The following ITFG2 variants were observed in gnomAD, a reference collection of about 807,000 sequenced individuals.
The protein encoded by ITFG2 is integrin alpha FG-GAP repeat containing 2.
A neutral mutation model predicts 54.4 loss-of-function variants in ITFG2; 36 were observed. That is an observed-to-expected ratio of 0.66 (90% CI 0.51 to 0.87). ITFG2 has a LOEUF of 0.87. ITFG2 is among the 40% of genes least tolerant of loss of function. ITFG2 has a pLI of 0.00. For synonymous variants in ITFG2, 211 were observed against 225.4 expected (o/e 0.94, Z 0.57); for missense variants, 524 against 576.7 (o/e 0.91, Z 0.94).
upstream of ITFG2, among the ~76,000 whole-genome samples, chr12:2,833,959 T>C (rs1396535155): frequency 6.6e-5 from 10 of 152,206 alleles, no homozygotes; most frequent in African/African-American, 9.6e-5. Flanking sequence ...TTGTCAGCAT[T>C]GCCTCTCAGA....
rs751390132 is a variant in ITFG2 at position 2,845,690 on chromosome 12, T to G, written n.300+4695T>G. ...TTCACCCCTGCCTCCCTCTCAGAGC[T>G]GCACTCCAGCTGTGGTGAAAGAGTG... is the stretch of plus-strand genomic sequence containing the variant. On this transcript the variant is annotated intron_variant and non_coding_transcript_variant, in intron 2 of 3. Transcript: ENST00000537710. The surrounding 1 kb of genome is among the most constrained non-coding windows in gnomAD (Gnocchi z 4.2). 6.6e-6 allele frequency among the ~76,000 whole-genome samples: 1 copy of G among 152,070 alleles called. No individual in the cohort carries two copies. Among genetic ancestry groups the G allele is most frequent in the Non-Finnish European group, 1.5e-5 (1 of 68,016 alleles).
chr12:2,830,930 A>C, downstream of ITFG2: 2 of 1,536,556 alleles, frequency 1.3e-6, no homozygotes, highest in Non-Finnish European at 1.8e-6. Context: ...CAGTTACCCC[A>C]CTTAGATACC....
upstream of ITFG2, chr12:2,835,140 C>T (rs1352532506): frequency 2.1e-5 from 29 of 1,394,362 alleles, no homozygotes; most frequent in Non-Finnish European, 2.7e-5. Flanking sequence ...CTGGTCAGAG[C>T]GGGCGGTGGA....
intron 6 of ITFG2, 38 bp from the exon 7 acceptor site, chr12:2,821,224 T>G: frequency 6.6e-7 from 1 of 1,512,600 alleles, no homozygotes; most frequent in Non-Finnish European, 9.1e-7. Context: ...CTCAGCTCAC[T>G]TGGTCTCCCG....
Position 2,824,161 on chromosome 12 carries a change from T to G in ITFG2, c.1312T>G (p.Cys438Gly). ...CTACCATCCAGACCAGCCACCACAG[T>G]GTGCTCCCTCAAGCCTCCAGGATCC... ...TLYHPDQPPQCAPSSLQDPT is the reference protein window; with the variant it reads ...TLYHPDQPPQGAPSSLQDPT The change falls in exon 12 of 12, where the codon TGT becomes GGT. Residue 438 changes from cysteine (C) to glycine (G), a missense_variant. Transcript: ENST00000228799. The G allele has an allele frequency of 6.2e-7, 1 of 1,614,160 alleles. No individual in the cohort carries two copies. Among genetic ancestry groups the G allele is most frequent in the Non-Finnish European group, 8.5e-7 (1 of 1,180,016 alleles).
At chr12:2,827,161 C>A (rs190438624), downstream of ITFG2, 21 of 1,613,234 alleles carry the variant, frequency 1.3e-5, no homozygotes, top group African/African-American at 2.3e-4. This position sits in a 1 kb window ranked among gnomAD's most constrained non-coding sequence, Gnocchi z 4.0. Context: ...CACGCCTCTT[C>A]TTCTAAGGCA....
At chr12:2,837,330 T>G (rs1011916085) in intron 1 of ITFG2, among the ~76,000 whole-genome samples, 2 of 151,894 alleles carry the variant, frequency 1.3e-5, no homozygotes, top group Non-Finnish European at 2.9e-5. Flanking sequence ...ACAAAAAAAT[T>G]AGCCGGGCGC....
In ITFG2 at chr12:2,812,848, A is replaced by G; in HGVS notation, c.88A>G (p.Asn30Asp). The G allele has an allele frequency of 1.2e-6, 2 of 1,611,736 alleles. No individual in the cohort carries two copies. The highest frequency in any genetic ancestry group is 1.7e-6 in the Non-Finnish European group (2 of 1,178,578). Residue 30 changes from asparagine to aspartate, a missense_variant, in exon 1 of 12, where the codon AAC (asparagine) becomes GAC (aspartate). Physicochemically the swap from Asn to Asp is conservative, Grantham distance 23. Transcript: ENST00000228799. Reference sequence around the variant, plus strand: ...CGCAATCTGCCTCGGAGACGTTGATAACGATACGGTAGGTGCATGCGCACC... The same window carrying G: ...CGCAATCTGCCTCGGAGACGTTGATGACGATACGGTAGGTGCATGCGCACC... ...PHAICLGDVD[N>D]DTLNELVVGD...
chr12:2,820,333 GA>G, intron 5 of ITFG2, 108 bp downstream of exon 5: 1 of 1,334,326 alleles, frequency 7.5e-7, no homozygotes, highest in African/African-American at 1.5e-5. Context: ...GGGGAGAAGT[GA>G]AAAGTCACCT....
chr12:2,842,365 C>A (rs1255532701), intron 2 of ITFG2, among the ~76,000 whole-genome samples: 1 of 151,516 alleles, frequency 6.6e-6, no homozygotes, highest in Non-Finnish European at 1.5e-5. Flanking sequence ...TCGTAATCCA[C>A]CCGCCTCGGC....
downstream of ITFG2, chr12:2,827,432 A>C: frequency 6.6e-7 from 1 of 1,524,126 alleles, no homozygotes; most frequent in Non-Finnish European, 8.7e-7. This position sits in a 1 kb window ranked among gnomAD's most constrained non-coding sequence, Gnocchi z 4.0. Context: ...CCATTTCCCT[A>C]GACTCCTGTT....
At chr12:2,856,710 G>T (rs2098088475) in intron 2 of ITFG2, among the ~76,000 whole-genome samples, 1 of 152,202 alleles carries the variant, frequency 6.6e-6, no homozygotes, top group South Asian at 2.1e-4. Context: ...TTGAGCTTGG[G>T]CCCCTAAGTC....
intron 9 of ITFG2, among the ~76,000 whole-genome samples, chr12:2,822,161 A>G (rs1394530931): frequency 2.0e-5 from 3 of 152,134 alleles, no homozygotes; most frequent in Admixed American, 1.3e-4. Flanking sequence ...GGCTCAAGCA[A>G]TCCTCTCGTC....
Position 2,820,757 on chromosome 12 carries a change from G to A in ITFG2, c.580G>A (p.Gly194Ser), listed in dbSNP as rs1174339749. Residue 194 changes from glycine (G) to serine (S), a missense_variant, in exon 6 of 12, where the codon GGT becomes AGT. Physicochemically the swap from Gly to Ser is moderately conservative, Grantham distance 56. Transcript: ENST00000228799. The stretch of plus-strand genomic sequence containing the variant: ...CCTCTCAGTGACTCTGGGGCCACTG[G>A]GTCTTCCTGAACTGATGGTGTCTCA... ...DSLSVTLGPLGLPELMVSQPG... is the reference protein window; with the variant it reads ...DSLSVTLGPLSLPELMVSQPG... The A allele has an allele frequency of 6.2e-7, 1 of 1,613,806 alleles. No individual in the cohort carries two copies. Among genetic ancestry groups the A allele is most frequent in the East Asian group, 2.2e-5 (1 of 44,874 alleles).
At chr12:2,859,078 GGA>G in intron 3 of ITFG2, 1 of 1,608,018 alleles carries the variant, frequency 6.2e-7, no homozygotes. Context: ...GGGGTTCTGG[GGA>G]GGACAGATTT....
chr12:2,844,839 G>A (rs913047215), intron 2 of ITFG2, among the ~76,000 whole-genome samples: 2 of 152,114 alleles, frequency 1.3e-5, no homozygotes, highest in African/African-American at 4.8e-5. Context: ...TAGTGTCAAC[G>A]TTCCATAAAC....
intron 3 of ITFG2, chr12:2,859,054 G>A: frequency 6.2e-7 from 1 of 1,608,736 alleles, no homozygotes; most frequent in Non-Finnish European, 8.5e-7. Flanking sequence ...GGGGGCGTGA[G>A]CCTCCAGGAT....
downstream of ITFG2, chr12:2,830,946 A>G (rs1199356456): frequency 6.9e-7 from 1 of 1,449,180 alleles, no homozygotes; most frequent in African/African-American, 1.4e-5. Context: ...ATACCCCAGG[A>G]TGCTCCCCCC....
intron 2 of ITFG2, among the ~76,000 whole-genome samples, chr12:2,848,448 G>C (rs1268744216): frequency 2.0e-5 from 3 of 152,170 alleles, no homozygotes; most frequent in Non-Finnish European, 4.4e-5. Context: ...GAGGCCCAAG[G>C]CCTCTGGGCT....
Sources: gnomAD v4.1 joint callset for allele counts (sites outside exome capture counted in the v4.1 genomes callset) on GRCh38, gnomAD v4.1.1 for gene constraint, Gnocchi (gnomAD v3.1) non-coding constraint, MANE v1.5 for transcripts, NCBI Gene and HGNC (gene_info 2026-07-23, HGNC 2026-07-21) for gene names.